The following ARHGAP26 variants were observed in gnomAD, a reference collection of about 807,000 sequenced individuals.
ARHGAP26 encodes rho GTPase-activating protein 26.
Under a neutral mutation model 104.8 loss-of-function variants are expected in ARHGAP26, and 38 were observed. The ratio of observed to expected loss-of-function variants is 0.36; its 90% CI spans 0.28 to 0.48. The LOEUF (loss-of-function observed/expected upper bound fraction) is 0.48. Among genes scored for constraint, ARHGAP26 ranks in the 20% least tolerant of loss-of-function variants. ARHGAP26 has a pLI of 0.99. For missense variants in ARHGAP26, 704 were observed against 947.9 expected (o/e 0.74, Z 3.38); for synonymous variants, 341 against 340.0 (o/e 1.00, Z -0.03).
intron 14 of ARHGAP26, among the ~76,000 whole-genome samples, chr5:143,048,414 C>G (rs1035262709): frequency 5.3e-5 from 8 of 151,420 alleles, no homozygotes; most frequent in African/African-American, 1.9e-4. Context: ...GTGTGCACCA[C>G]CATGCCCAGC....
chr5:143,012,093 C>G (rs1175066900), intron 11 of ARHGAP26, among the ~76,000 whole-genome samples: 1 of 152,168 alleles, frequency 6.6e-6, no homozygotes, highest in Non-Finnish European at 1.5e-5. Context: ...GACTCCTTAT[C>G]TCTAGAGCGT....
chr5:142,782,520 G>A (rs1397923452), intron 1 of ARHGAP26, among the ~76,000 whole-genome samples: 2 of 152,196 alleles, frequency 1.3e-5, no homozygotes, highest in East Asian at 1.9e-4. Context: ...TGATTCTAAT[G>A]TGCAGCAAGG....
intron 11 of ARHGAP26, among the ~76,000 whole-genome samples, chr5:142,999,570 A>G (rs553171570): frequency 1.6e-4 from 25 of 152,234 alleles, no homozygotes; most frequent in Admixed American, 1.6e-3. Context: ...AAACTAGGCT[A>G]ACTAGGGGGA....
intron 11 of ARHGAP26, among the ~76,000 whole-genome samples, chr5:142,998,760 G>C (rs1389160429): frequency 6.6e-6 from 1 of 152,028 alleles, no homozygotes; most frequent in East Asian, 1.9e-4. Context: ...AAAAGAAAAA[G>C]GAAAAGAACA....
intron 12 of ARHGAP26, among the ~76,000 whole-genome samples, chr5:143,027,322 C>G (rs544538459): frequency 4.5e-4 from 68 of 151,516 alleles, no homozygotes; most frequent in African/African-American, 1.5e-3. Flanking sequence ...CAGGCACCTG[C>G]CACCATGCCT....
At chr5:142,940,046 A>G (rs1766006839) in intron 11 of ARHGAP26, among the ~76,000 whole-genome samples, 1 of 152,236 alleles carries the variant, frequency 6.6e-6, no homozygotes, top group African/African-American at 2.4e-5. Context: ...GATTTCGTTT[A>G]GCAGTCAGTG....
intron 1 of ARHGAP26, among the ~76,000 whole-genome samples, chr5:142,809,457 G>T (rs964536715): frequency 2.0e-5 from 3 of 152,282 alleles, no homozygotes; most frequent in African/African-American, 7.2e-5. Flanking sequence ...TAGCAATCAA[G>T]ACAGAAGTTG....
At chr5:143,053,932 C>A (rs774907057) in intron 14 of ARHGAP26, among the ~76,000 whole-genome samples, 1 of 152,098 alleles carries the variant, frequency 6.6e-6, no homozygotes, top group East Asian at 1.9e-4. Flanking sequence ...TCATATAAAT[C>A]GGCGAGGTAA....
chr5:143,181,127 C>T (rs923555318), intron 20 of ARHGAP26, among the ~76,000 whole-genome samples: 2 of 152,212 alleles, frequency 1.3e-5, no homozygotes, highest in African/African-American at 2.4e-5. Context: ...CCTTCCTGAC[C>T]CTTTTTACTG....
At chr5:143,057,576 T>C in intron 16 of ARHGAP26, 66 bp from the exon 17 acceptor site, 1 of 1,375,366 alleles carries the variant, frequency 7.3e-7, no homozygotes. Flanking sequence ...TTTCCCTTAA[T>C]TTTTCAACCT....
chr5:143,050,171 A>G (rs1375690514), intron 14 of ARHGAP26, among the ~76,000 whole-genome samples: 1 of 152,208 alleles, frequency 6.6e-6, no homozygotes, highest in African/African-American at 2.4e-5. Context: ...TCAGGCCTTC[A>G]TCTAAGCTTT....
chr5:143,081,924 G>A (rs1405535672), intron 17 of ARHGAP26, among the ~76,000 whole-genome samples: 1 of 151,298 alleles, frequency 6.6e-6, no homozygotes, highest in East Asian at 1.9e-4. Context: ...GCAGAAGAAT[G>A]GCATGAACCC....
chr5:143,000,729 G>A (rs749809596), intron 11 of ARHGAP26, among the ~76,000 whole-genome samples: 6 of 152,212 alleles, frequency 3.9e-5, no homozygotes, highest in Non-Finnish European at 7.3e-5. Context: ...CCTTTGCAGG[G>A]ACATGGATAA....
chr5:142,986,704 G>A (rs1774790531), intron 11 of ARHGAP26, among the ~76,000 whole-genome samples: 1 of 152,180 alleles, frequency 6.6e-6, no homozygotes, highest in Non-Finnish European at 1.5e-5. Context: ...AAGGGATCCA[G>A]TTTCAGCTTT....
chr5:143,101,871 T>TC (rs1199893187), intron 17 of ARHGAP26, among the ~76,000 whole-genome samples: 4 of 151,824 alleles, frequency 2.6e-5, no homozygotes, highest in Admixed American at 2.6e-4. Context: ...TTTTTTTTTT[T>TC]CTTCCATAAT....
intron 1 of ARHGAP26, among the ~76,000 whole-genome samples, chr5:142,840,267 C>T (rs1305529823): frequency 6.6e-6 from 1 of 152,126 alleles, no homozygotes; most frequent in East Asian, 1.9e-4. Context: ...TGGGTGGAAC[C>T]TGAACTGTGT....
chr5:142,873,051 C>T lies in ARHGAP26; in HGVS notation c.155-349C>T, dbSNP rs914946611. 3.3e-5 allele frequency among the ~76,000 whole-genome samples: 5 copies of T among 152,218 alleles called. 1 individual carries two copies. The highest frequency in any genetic ancestry group is 7.3e-5 in the Non-Finnish European group (5 of 68,034). On this transcript the variant is annotated intron_variant, in intron 1 of 22. Coordinates refer to ENST00000645722, the MANE Select transcript of ARHGAP26 (RefSeq NM_001135608.3). The stretch of plus-strand genomic sequence containing the variant: ...GAGGGTCAGTGGCAGAGCAGACCTG[C>T]AGGCTGTGGACACTAATGTTGGCTC...
chr5:142,909,286 G>A (rs1431479425), intron 9 of ARHGAP26, among the ~76,000 whole-genome samples: 2 of 152,106 alleles, frequency 1.3e-5, no homozygotes, highest in Non-Finnish European at 2.9e-5. Flanking sequence ...CTAACCTGTC[G>A]ATAAACTAGT....
intron 1 of ARHGAP26, among the ~76,000 whole-genome samples, chr5:142,820,371 A>G (rs1765898863): frequency 6.6e-6 from 1 of 152,192 alleles, no homozygotes; most frequent in Non-Finnish European, 1.5e-5. Context: ...GTTTCATAGT[A>G]AGGTGGCTTT....
Sources: gnomAD v4.1 joint callset for allele counts (sites outside exome capture counted in the v4.1 genomes callset) on GRCh38, gnomAD v4.1.1 for gene constraint, MANE v1.5 for transcripts, NCBI Gene and HGNC (gene_info 2026-07-23, HGNC 2026-07-21) for gene names.